GABRA2: variants seen among roughly 807,000 people sequenced by gnomAD.
GABRA2 encodes the protein gamma-aminobutyric acid receptor subunit alpha-2.
Under a neutral mutation model 48.7 loss-of-function variants are expected in GABRA2, and 16 were observed. The observed-to-expected ratio is 0.33, with a 90% CI of 0.22 to 0.50. The LOEUF is 0.50. Among genes scored for constraint, GABRA2 ranks in the 20% least tolerant of loss-of-function variants. GABRA2 has a pLI of 0.98. For missense variants in GABRA2, 275 were observed against 535.6 expected, an observed-to-expected ratio of 0.51 and a Z score of 4.80; for synonymous variants, 185 against 184.5, an observed-to-expected ratio of 1.00 and a Z score of -0.02.
chr4:46,376,880 T>C (rs1184417553), intron 3 of GABRA2, among the ~76,000 whole-genome samples: 1 of 152,114 alleles, frequency 6.6e-6, no homozygotes, highest in African/African-American at 2.4e-5. Flanking sequence ...CTGCCTGCGA[T>C]TGCAGGCGCG....
At position 46,282,521 on chromosome 4, in the gene GABRA2, G is replaced by C. The variant is rs531781981; in HGVS notation, c.857-20393C>G. On this transcript the variant is annotated intron_variant, in intron 8 of 9. Transcript: ENST00000381620. ...CTTTACTAAAACTGAACCCACACTA[G>C]CATAATTTGCTTAAATAACAGAATG... 6.4e-4 allele frequency among the ~76,000 whole-genome samples: 97 copies of C among 152,238 alleles called. 2 individuals are homozygous for C. Among genetic ancestry groups the C allele is most frequent in the South Asian group, 2.7e-3 (13 of 4,814 alleles).
At chr4:46,324,561 T>C (rs1195980605) in intron 4 of GABRA2, among the ~76,000 whole-genome samples, 4 of 149,536 alleles carry the variant, frequency 2.7e-5, no homozygotes, top group Non-Finnish European at 6.0e-5. Flanking sequence ...TATTATTTAG[T>C]TTTTTTTTTC....
chr4:46,374,785 A>G (rs948223076), intron 3 of GABRA2, among the ~76,000 whole-genome samples: 5 of 152,064 alleles, frequency 3.3e-5, no homozygotes, highest in Non-Finnish European at 7.4e-5. Flanking sequence ...AAATCAAATT[A>G]TTAATGCCCT....
At chr4:46,376,966 A>C (rs1447331036) in intron 3 of GABRA2, among the ~76,000 whole-genome samples, 1 of 152,066 alleles carries the variant, frequency 6.6e-6, no homozygotes, top group Non-Finnish European at 1.5e-5. Flanking sequence ...CCAGCTCCTA[A>C]CCGCAAGTGA....
At chr4:46,305,221 C>T (rs1439342490) in intron 7 of GABRA2, among the ~76,000 whole-genome samples, 1 of 125,212 alleles carries the variant, frequency 8.0e-6, no homozygotes, top group Non-Finnish European at 1.5e-5. Flanking sequence ...AATGAGAACA[C>T]ATGGACACAG....
intron 2 of GABRA2, among the ~76,000 whole-genome samples, chr4:46,386,532 G>A (rs1717484909): frequency 2.0e-5 from 3 of 152,046 alleles, no homozygotes. Context: ...TATTAGTATT[G>A]CTATTCTACA....
At chr4:46,303,380 T>G in intron 8 of GABRA2, 80 bp downstream of exon 8, 8 of 1,378,516 alleles carry the variant, frequency 5.8e-6, no homozygotes, top group Non-Finnish European at 8.2e-6. Context: ...ATAATTAGTT[T>G]GAGGATCAAG....
intron 5 of GABRA2, 99 bp from the exon 6 acceptor site, chr4:46,310,354 A>T (rs537270682): frequency 1.3e-4 from 100 of 763,430 alleles, no homozygotes; most frequent in Admixed American, 9.4e-4. Context: ...TAGAGCATTA[A>T]TCACAGCAGT....
intron 3 of GABRA2, among the ~76,000 whole-genome samples, chr4:46,350,127 T>C (rs1734872745): frequency 6.6e-6 from 1 of 151,384 alleles, no homozygotes; most frequent in African/African-American, 2.4e-5. Context: ...ACAGCTAAGA[T>C]GAGACAGATC....
rs1218173391 is a variant in GABRA2 at position 46,245,724 on chromosome 4, A to T, written c.*4584T>A. On this transcript the variant is annotated 3_prime_UTR_variant, in exon 10 of 10. Transcript: ENST00000381620. ...CATACACACTCGCAAACATACACAC[A>T]TCACTGACACACACAGCTAAGACCC... Among the ~76,000 whole-genome samples, 2 of 151,258 alleles carry T rather than the reference A, an allele frequency of 1.3e-5. No individual in the cohort carries two copies. The highest frequency in any genetic ancestry group is 1.5e-5 in the Non-Finnish European group (1 of 67,466).
chr4:46,345,381 A>T (rs1733974672), intron 3 of GABRA2, among the ~76,000 whole-genome samples: 1 of 151,802 alleles, frequency 6.6e-6, no homozygotes, highest in Non-Finnish European at 1.5e-5. Context: ...ACAATTCCTA[A>T]ACATACAATG....
At chr4:46,316,378 G>A (rs910673053) in intron 4 of GABRA2, among the ~76,000 whole-genome samples, 1 of 151,986 alleles carries the variant, frequency 6.6e-6, no homozygotes, top group African/African-American at 2.4e-5. Context: ...CAATGTGAAA[G>A]CAACCATAGA....
At chr4:46,387,272 T>C (rs1717590502) in intron 2 of GABRA2, among the ~76,000 whole-genome samples, 2 of 152,224 alleles carry the variant, frequency 1.3e-5, no homozygotes, top group African/African-American at 2.4e-5. Context: ...TAATTGATAA[T>C]GGATTGTCCA....
At chr4:46,320,427 A>T (rs1335376832) in intron 4 of GABRA2, among the ~76,000 whole-genome samples, 1 of 151,902 alleles carries the variant, frequency 6.6e-6, no homozygotes, top group Non-Finnish European at 1.5e-5. Context: ...GTAAAAATAA[A>T]CAAGTCGACA....
At chr4:46,283,377 A>C (rs1268991094) in intron 8 of GABRA2, among the ~76,000 whole-genome samples, 2 of 152,206 alleles carry the variant, frequency 1.3e-5, no homozygotes, top group Non-Finnish European at 2.9e-5. Flanking sequence ...CCATAAATTA[A>C]GGACATCAAA....
rs192694379 is a variant in GABRA2 at position 46,359,658 on chromosome 4, A to T, written c.187+26416T>A. 1.5e-4 allele frequency among the ~76,000 whole-genome samples: 23 copies of T among 152,302 alleles called. No homozygotes were observed. In the East Asian group the frequency reaches 4.2e-3, roughly 28 times the overall value. ...TTATTTTTATATTACAATGCAAAAT[A>T]AATCAAAACTTAAAGAATTGTAACC... On this transcript the variant is annotated intron_variant, in intron 3 of 9. Transcript: ENST00000381620.
chr4:46,323,567 T>C (rs1252788444), intron 4 of GABRA2, among the ~76,000 whole-genome samples: 1 of 151,956 alleles, frequency 6.6e-6, no homozygotes, highest in African/African-American at 2.4e-5. Flanking sequence ...ATTTGAGGGC[T>C]ACACTTACTT....
intron 8 of GABRA2, among the ~76,000 whole-genome samples, chr4:46,276,632 T>C (rs2109435933): frequency 6.6e-6 from 1 of 151,456 alleles, no homozygotes; most frequent in South Asian, 2.1e-4. Flanking sequence ...TAGTTTGATG[T>C]CATAATGATG....
chr4:46,389,713 G>A (rs1305275465), intron 1 of GABRA2, 22 bp downstream of exon 1: 1 of 982,994 alleles, frequency 1.0e-6, no homozygotes, highest in Non-Finnish European at 1.2e-6. Context: ...GTCTCTATCG[G>A]GACCAACGTG....
Sources: gnomAD v4.1 joint callset for allele counts (sites outside exome capture counted in the v4.1 genomes callset) on GRCh38, gnomAD v4.1.1 for gene constraint, MANE v1.5 for transcripts, NCBI Gene and HGNC (gene_info 2026-07-23, HGNC 2026-07-21) for gene names.